Variants in SLIT3 observed in about 807,000 individuals in gnomAD.
SLIT3 encodes the protein slit homolog 3 protein.
Under a neutral mutation model 184.0 loss-of-function variants are expected in SLIT3, and 68 were observed. The observed-to-expected ratio is 0.37, with a 90% CI of 0.30 to 0.45. The LOEUF (loss-of-function observed/expected upper bound fraction) is 0.45, where lower values mean the gene tolerates loss of function less well. Ranked by LOEUF, SLIT3 falls within the 20% of genes least tolerant of loss-of-function variation. The pLI, the probability that SLIT3 is intolerant of heterozygous loss-of-function variation, is 1.00. For synonymous variants in SLIT3, 831 were observed against 828.6 expected, an observed-to-expected ratio of 1.00 and a Z score of -0.05; for missense variants, 1,707 against 2,026.0, an observed-to-expected ratio of 0.84 and a Z score of 3.02.
At chr5:169,018,977 A>C (rs991293055) in intron 4 of SLIT3, among the ~76,000 whole-genome samples, 52 of 152,308 alleles carry the variant, frequency 3.4e-4, no homozygotes, top group African/African-American at 1.1e-3. Context: ...AGCACCCTGC[A>C]TTGACAACTA....
At chr5:169,119,906 C>T (rs750199278) in intron 4 of SLIT3, 2 of 152,178 alleles carry the variant, frequency 1.3e-5, no homozygotes, top group Non-Finnish European at 2.9e-5. Context: ...CCTATCAGAA[C>T]CCTCATTTGT....
intron 18 of SLIT3, among the ~76,000 whole-genome samples, chr5:168,751,309 C>T (rs970259842): frequency 8.5e-5 from 13 of 152,144 alleles, no homozygotes; most frequent in Non-Finnish European, 1.5e-4. Context: ...TCTAAAGGGT[C>T]TTTGGGGAAG....
At chr5:168,693,505 G>A (rs1237394248) in intron 28 of SLIT3, among the ~76,000 whole-genome samples, 1 of 152,202 alleles carries the variant, frequency 6.6e-6, no homozygotes, top group African/African-American at 2.4e-5. Flanking sequence ...TTAGGAATGT[G>A]GGGGAGGGCG....
At chr5:168,940,945 T>C (rs1308986435) in intron 4 of SLIT3, among the ~76,000 whole-genome samples, 1 of 152,140 alleles carries the variant, frequency 6.6e-6, no homozygotes, top group African/African-American at 2.4e-5. Flanking sequence ...AGGACTGTTG[T>C]CATTCCTGAG....
chr5:168,685,451 T>A (rs1427010779), intron 31 of SLIT3, among the ~76,000 whole-genome samples: 2 of 152,208 alleles, frequency 1.3e-5, no homozygotes, highest in Non-Finnish European at 2.9e-5. Flanking sequence ...GTTGAATGCA[T>A]ATTTTCTGGA....
At chr5:169,106,723 C>A (rs1252875821) in intron 4 of SLIT3, among the ~76,000 whole-genome samples, 2 of 152,226 alleles carry the variant, frequency 1.3e-5, no homozygotes, top group East Asian at 1.9e-4. Flanking sequence ...GGCATCACAA[C>A]AGATACTGAT....
intron 4 of SLIT3, among the ~76,000 whole-genome samples, chr5:169,078,245 G>A (rs1758823298): frequency 6.6e-6 from 1 of 152,090 alleles, no homozygotes; most frequent in Non-Finnish European, 1.5e-5. Context: ...CAAGTCCAAC[G>A]CAAACCAGCC....
At chr5:169,129,720 T>C (rs1255290052) in intron 4 of SLIT3, among the ~76,000 whole-genome samples, 1 of 151,980 alleles carries the variant, frequency 6.6e-6, no homozygotes, top group Non-Finnish European at 1.5e-5. Context: ...GCGGAGTAAA[T>C]CCTGGAAAAG....
In SLIT3 at chr5:169,180,444, C is replaced by T. The variant is rs569918560; in HGVS notation, c.413+13035G>A. On this transcript the variant is annotated intron_variant, in intron 4 of 35. Coordinates refer to ENST00000519560, the MANE Select transcript of SLIT3 (RefSeq NM_003062.4). The stretch of plus-strand genomic sequence containing the variant: ...CTGATTTCCCTTAAAACAATAATTG[C>T]GGCTGTTAGATTGACAATGAACAAC... Among the ~76,000 whole-genome samples, 9 of 152,250 alleles carry T rather than the reference C, an allele frequency of 5.9e-5. No homozygotes were observed. In the South Asian group the frequency reaches 1.0e-3, roughly 18 times the overall value.
At chr5:168,972,367 G>GTGTGTGTGTGTGTGTGTGTGTGTGTA in intron 4 of SLIT3, among the ~76,000 whole-genome samples, 5 of 151,382 alleles carry the variant, frequency 3.3e-5, no homozygotes, top group African/African-American at 1.2e-4. Context: ...GTGTGTGTGT[G>GTGTGTGTGTGTGTGTGTGTGTGTGTA]TGTGTGTGTG....
intron 20 of SLIT3, among the ~76,000 whole-genome samples, chr5:168,742,638 T>C (rs1366569393): frequency 1.5e-5 from 2 of 130,268 alleles, no homozygotes; most frequent in South Asian, 2.7e-4. Flanking sequence ...ACAATCATCA[T>C]AGCTAATGTG....
At chr5:169,001,252 T>C (rs1475038849) in intron 4 of SLIT3, among the ~76,000 whole-genome samples, 5 of 152,216 alleles carry the variant, frequency 3.3e-5, no homozygotes, top group African/African-American at 7.2e-5. Flanking sequence ...TGTCCGTATT[T>C]TGAACCTGTC....
intron 4 of SLIT3, among the ~76,000 whole-genome samples, chr5:169,082,362 G>C (rs1255095228): frequency 1.3e-5 from 2 of 152,154 alleles, no homozygotes; most frequent in Non-Finnish European, 2.9e-5. Context: ...CTGGCCAAAG[G>C]CCCAGTTACG....
chr5:168,713,029 T>A (rs989652414), intron 23 of SLIT3, among the ~76,000 whole-genome samples: 1 of 152,194 alleles, frequency 6.6e-6, no homozygotes, highest in Non-Finnish European at 1.5e-5. Flanking sequence ...GTTTCCTTCG[T>A]ATTTACCTAA....
intron 4 of SLIT3, among the ~76,000 whole-genome samples, chr5:168,928,145 T>G (rs1328163772): frequency 1.3e-5 from 2 of 152,234 alleles, no homozygotes; most frequent in Non-Finnish European, 2.9e-5. Flanking sequence ...TTGTTTAATG[T>G]GGCATGTTCC....
chr5:169,058,263 C>G, intron 4 of SLIT3, among the ~76,000 whole-genome samples: 1 of 152,364 alleles, frequency 6.6e-6, no homozygotes, highest in Non-Finnish European at 1.5e-5. Context: ...CCATCACAGC[C>G]TTTCTCCCCA....
chr5:169,118,212 G>A (rs757950533), intron 4 of SLIT3, among the ~76,000 whole-genome samples: 21 of 152,168 alleles, frequency 1.4e-4, no homozygotes, highest in African/African-American at 2.2e-4. Flanking sequence ...TTTGAAATGT[G>A]CACATTTGCA....
intron 4 of SLIT3, among the ~76,000 whole-genome samples, chr5:169,043,152 T>TTATACTAGAGAAAAAAAATGA (rs1757505361): frequency 6.6e-6 from 1 of 152,156 alleles, no homozygotes; most frequent in African/African-American, 2.4e-5. Flanking sequence ...GAATCTCATT[T>TTATACTAGAGAAAAAAAATGA]TATACTAGAG....
intron 32 of SLIT3, among the ~76,000 whole-genome samples, chr5:168,681,559 C>T (rs1412850512): frequency 1.3e-5 from 2 of 152,192 alleles, no homozygotes; most frequent in Non-Finnish European, 2.9e-5. Context: ...AGCTTGGTTT[C>T]CCTGTGGCTA....
Sources: allele counts gnomAD v4.1 joint callset (sites outside exome capture counted in the v4.1 genomes callset), GRCh38; gene constraint gnomAD v4.1.1; transcripts MANE v1.5; gene names NCBI Gene and HGNC (gene_info 2026-07-23, HGNC 2026-07-21).